C2CD4C: variants seen among roughly 807,000 people sequenced by gnomAD.
C2CD4C encodes C2 calcium dependent domain containing 4C.
C2CD4C carries 3 observed loss-of-function variants against 4.1 expected under a neutral mutation model. That is an observed-to-expected ratio of 0.73 (90% CI 0.33 to 1.88). The LOEUF (loss-of-function observed/expected upper bound fraction) is 1.88. C2CD4C is among the 40% of genes most tolerant of loss of function. The pLI is 0.08. For missense variants in C2CD4C, 664 were observed against 621.5 expected (o/e 1.07, Z -0.73); for synonymous variants, 364 against 290.4 (o/e 1.25, Z -2.57).
Position 407,736 on chromosome 19 carries a change from C to T in C2CD4C, c.626G>A (p.Arg209His), listed in dbSNP as rs967945688. The change falls in exon 2 of 2, where the codon CGC (arginine) becomes CAC (histidine). Residue 209 changes from arginine (R) to histidine (H), a missense_variant. Arg to His is a conservative substitution (Grantham distance 29, BLOSUM62 0). Coordinates refer to ENST00000332235, the MANE Select transcript of C2CD4C (RefSeq NM_001136263.2). ...GTCGCTCTCCCCGCCACTGAAGTAG[C>T]GGCCGGGGCTCATGAGGGCCCCGCC... ...EAGGALMSPG[R>H]YFSGGESDTG... 3.3e-6 allele frequency: 5 copies of T among 1,522,252 alleles called. No homozygotes were observed. The South Asian group carries it at 3.8e-5, about 11-fold the overall frequency. The allele number at this position is 1,522,252 out of a possible 1,614,324, so 94.3% of individuals were successfully genotyped here. A position where few individuals can be genotyped will look rare whatever the true frequency, so the allele number is the denominator to read the frequency against.
chr19:406,954 C>T lies in C2CD4C; in HGVS notation c.*142G>A. ...GGAAACCCTGCGTCAGCTACAGCATCAGCGCCCAGCCCAGCCTGAGTGTGA... is the reference window on the plus strand; with the variant it reads ...GGAAACCCTGCGTCAGCTACAGCATTAGCGCCCAGCCCAGCCTGAGTGTGA... On this transcript the variant is annotated 3_prime_UTR_variant, in exon 2 of 2. Coordinates refer to ENST00000332235, the MANE Select transcript of C2CD4C (RefSeq NM_001136263.2). The T allele has an allele frequency of 1.7e-6, 1 of 587,768 alleles. No homozygotes were observed. Among genetic ancestry groups the T allele is most frequent in the South Asian group, 2.1e-5 (1 of 46,718 alleles). The allele number at this position is 587,768 out of a possible 1,614,324, so 36.4% of individuals were successfully genotyped here.
rs1386310062 is a variant in C2CD4C, at chr19:407,622, T to G, written c.740A>C (p.Gln247Pro). The part of the protein sequence containing the change: ...SLLKGFAQDS[Q>P]AKVSQLRHSV... ...GTGCCGGAGCTGGCTCACCTTGGCC[T>G]GGCTGTCCTGGGCGAAACCTTTGAG... The change falls in exon 2 of 2, where the codon CAG (glutamine) becomes CCG (proline). Residue 247 changes from glutamine (Q) to proline (P), a missense_variant. Physicochemically the swap from Gln to Pro is moderately conservative, Grantham distance 76. Transcript: ENST00000332235. The G allele has an allele frequency of 1.1e-5, 16 of 1,456,544 alleles. No individual in the cohort carries two copies. The highest frequency in any genetic ancestry group is 1.5e-5 in the African/African-American group (1 of 67,320). The allele number at this position is 1,456,544 out of a possible 1,614,324, so 90.2% of individuals were successfully genotyped here.
In C2CD4C at chr19:407,827, G is replaced by C. The variant is rs1287210387; in HGVS notation, c.535C>G (p.Pro179Ala). Residue 179 changes from proline to alanine, a missense_variant, in exon 2 of 2, where the codon CCA becomes GCA. By Grantham distance (27) the Pro-to-Ala change is conservative. Transcript: ENST00000332235. Reference protein sequence around the residue: ...EHGALAQVGSPGAGRRRAAAK... With the variant: ...EHGALAQVGSAGAGRRRAAAK... ...GCTGCCCGGCGGCGCCCGGCCCCTGGGGAGCCCACCTGGGCCAGAGCCCCG... is the reference window on the plus strand; with the variant it reads ...GCTGCCCGGCGGCGCCCGGCCCCTGCGGAGCCCACCTGGGCCAGAGCCCCG... 1 of 1,543,184 alleles carries C rather than the reference G, an allele frequency of 6.5e-7. No individual in the cohort carries two copies. Among genetic ancestry groups the C allele is most frequent in the East Asian group, 2.5e-5 (1 of 40,606 alleles).
rs907514200 is a variant in C2CD4C at position 408,363 on chromosome 19, G to C, written c.-2C>G. ...GAACCACATGTTGGTTTTTCTCATG[G>C]GGGCGGCAGGCAAGAGGCCCGGACA... On this transcript the variant is annotated 5_prime_UTR_variant, in exon 2 of 2. Transcript: ENST00000332235. The C allele has an allele frequency of 1.5e-5, 23 of 1,546,566 alleles. No homozygotes were observed. The highest frequency in any genetic ancestry group is 1.9e-5 in the Non-Finnish European group (22 of 1,145,364).
intron 1 of C2CD4C, 44 bp from the exon 2 acceptor site, chr19:408,445 C>A: frequency 7.4e-7 from 1 of 1,347,688 alleles, no homozygotes; most frequent in Non-Finnish European, 9.9e-7. Context: ...GGGCGGCTGG[C>A]AGAGGGCCCT....
rs1374586012 is a variant in C2CD4C, at chr19:407,148, G to C, written c.1214C>G (p.Thr405Arg). ...VNKGSSLKRD[T>R]LLGEKELPLT... ...GGGCAGCTCCTTCTCCCCGAGCAGC[G>C]TGTCCCGCTTGAGGCTGCTGCCCTT... Residue 405 changes from threonine to arginine, a missense_variant, in exon 2 of 2, where the codon ACG becomes AGG. Coordinates refer to ENST00000332235, the MANE Select transcript of C2CD4C (RefSeq NM_001136263.2). 2 of 1,550,204 alleles carry C rather than the reference G, an allele frequency of 1.3e-6. No homozygotes were observed. The highest frequency in any genetic ancestry group is 2.4e-5 in the East Asian group (1 of 40,908).
In C2CD4C at chr19:408,131, G is replaced by T; in HGVS notation, c.231C>A (p.Asn77Lys). ...AALGPSTSEQ[N>K]LASAAPRQTP... ...TCTGGCGGGGGGCCGCAGAGGCCAG[G>T]TTCTGTTCCGACGTGGAGGGGCCCA... The change falls in exon 2 of 2, where the codon AAC (asparagine) becomes AAA (lysine). Residue 77 changes from asparagine (N) to lysine (K), a missense_variant. Physicochemically the swap from Asn to Lys is moderately conservative, Grantham distance 94. Coordinates refer to ENST00000332235, the MANE Select transcript of C2CD4C (RefSeq NM_001136263.2). 1 of 1,462,792 alleles carries T rather than the reference G, an allele frequency of 6.8e-7. No individual in the cohort carries two copies. The highest frequency in any genetic ancestry group is 9.0e-7 in the Non-Finnish European group (1 of 1,107,808). The allele number at this position is 1,462,792 out of a possible 1,614,324, so 90.6% of individuals were successfully genotyped here. A position where few individuals can be genotyped will look rare whatever the true frequency, so the allele number is the denominator to read the frequency against.
chr19:408,163 C>T lies in C2CD4C; in HGVS notation c.199G>A (p.Ala67Thr). ...TCCGACGTGGAGGGGCCCAGCGCGG[C>T]CTGTCCCTCGCCCTCCGCGGGGCCC... ...PSGPAEGEGQ[A>T]ALGPSTSEQN... The change falls in exon 2 of 2, where the codon GCC (alanine) becomes ACC (threonine). Residue 67 changes from alanine to threonine, a missense_variant. By Grantham distance (58) the Ala-to-Thr change is moderately conservative. Coordinates refer to ENST00000332235, the MANE Select transcript of C2CD4C (RefSeq NM_001136263.2). The T allele has an allele frequency of 6.9e-7, 1 of 1,452,212 alleles. No individual in the cohort carries two copies. The highest frequency in any genetic ancestry group is 9.1e-7 in the Non-Finnish European group (1 of 1,101,982). The allele number at this position is 1,452,212 out of a possible 1,614,324, so 90.0% of individuals were successfully genotyped here.
In C2CD4C at chr19:408,138, T is replaced by G; in HGVS notation, c.224A>C (p.Glu75Ala). 6.9e-7 allele frequency: 1 copy of G among 1,458,838 alleles called. No individual in the cohort carries two copies. The highest frequency in any genetic ancestry group is 1.5e-5 in the South Asian group (1 of 68,916). The allele number at this position is 1,458,838 out of a possible 1,614,324, so 90.4% of individuals were successfully genotyped here. ...GQAALGPSTSEQNLASAAPRQ... is the reference protein window; with the variant it reads ...GQAALGPSTSAQNLASAAPRQ... The stretch of plus-strand genomic sequence containing the variant: ...GGGGGCCGCAGAGGCCAGGTTCTGT[T>G]CCGACGTGGAGGGGCCCAGCGCGGC... Residue 75 changes from glutamate (E) to alanine (A), a missense_variant, in exon 2 of 2, where the codon GAA becomes GCA. Physicochemically the swap from Glu to Ala is moderately radical, Grantham distance 107. Coordinates refer to ENST00000332235, the MANE Select transcript of C2CD4C (RefSeq NM_001136263.2).
At position 408,078 on chromosome 19, in the gene C2CD4C, T is replaced by A; in HGVS notation, c.284A>T (p.Lys95Met). The A allele has an allele frequency of 6.6e-7, 1 of 1,504,090 alleles. No homozygotes were observed. Among genetic ancestry groups the A allele is most frequent in the East Asian group, 2.5e-5 (1 of 40,468 alleles). 93.2% of individuals were successfully genotyped at this position (1,504,090 alleles called of 1,614,324 possible). The change falls in exon 2 of 2, where the codon AAG (lysine) becomes ATG (methionine). Residue 95 changes from lysine (K) to methionine (M), a missense_variant. Lys to Met is a moderately conservative substitution (Grantham distance 95). Transcript: ENST00000332235. ...QTPRSPRLPA[K>M]LAAESKSLLK... ...CAGGCTCTTGCTCTCGGCTGCCAGC[T>A]TGGCAGGCAGCCGGGGGCTCCGTGG...
In C2CD4C at chr19:407,147, C is replaced by G. The variant is rs571623679; in HGVS notation, c.1215G>C (p.Thr405=). Residue 405 remains threonine (T), a synonymous_variant, in exon 2 of 2, where the codon ACG becomes ACC. Transcript: ENST00000332235. ...GGGGCAGCTCCTTCTCCCCGAGCAG[C>G]GTGTCCCGCTTGAGGCTGCTGCCCT... ...VNKGSSLKRD[T]LLGEKELPLT... 1 of 1,550,176 alleles carries G rather than the reference C, an allele frequency of 6.5e-7. No individual in the cohort carries two copies. Among genetic ancestry groups the G allele is most frequent in the Admixed American group, 2.0e-5 (1 of 51,012 alleles).
chr19:407,566 C>T lies in C2CD4C; in HGVS notation c.796G>A (p.Asp266Asn). The change falls in exon 2 of 2, where the codon GAC (aspartate) becomes AAC (asparagine). Residue 266 changes from aspartate to asparagine, a missense_variant. Transcript: ENST00000332235. ...GGGCTGGCGTCCGGGGTGCTGTCGT[C>T]CGCAGACAGGGAGCCGTGGCGGCCC... ...SVGRHGSLSADDSTPDASPGS... is the reference protein window; with the variant it reads ...SVGRHGSLSANDSTPDASPGS... 7.0e-7 allele frequency: 1 copy of T among 1,419,374 alleles called. No homozygotes were observed. The highest frequency in any genetic ancestry group is 1.5e-5 in the South Asian group (1 of 64,918). The allele number at this position is 1,419,374 out of a possible 1,614,324, so 87.9% of individuals were successfully genotyped here.
In C2CD4C at chr19:407,588, G is replaced by A. The variant is rs1244654364; in HGVS notation, c.774C>T (p.Gly258=). The A allele has an allele frequency of 1.7e-5, 25 of 1,432,252 alleles. No individual in the cohort carries two copies. Among genetic ancestry groups the A allele is most frequent in the Middle Eastern group, 3.6e-4 (2 of 5,510 alleles). The allele number at this position is 1,432,252 out of a possible 1,614,324, so 88.7% of individuals were successfully genotyped here. A position where few individuals can be genotyped will look rare whatever the true frequency, so the allele number is the denominator to read the frequency against. ...CGTCCGCAGACAGGGAGCCGTGGCG[G>A]CCCACGGAGTGCCGGAGCTGGCTCA... ...AKVSQLRHSV[G]RHGSLSADDS... The change falls in exon 2 of 2, where the codon GGC becomes GGT. Residue 258 remains glycine (G), a synonymous_variant. Transcript: ENST00000332235.
At position 407,122 on chromosome 19, in the gene C2CD4C, G is replaced by A. The variant is rs1276676860; in HGVS notation, c.1240C>T (p.Leu414=). Residue 414 remains leucine (L), a synonymous_variant, in exon 2 of 2, where the codon CTG becomes TTG. Transcript: ENST00000332235. ...TACAGGAAGGGGAGCAGGGAGGTCA[G>A]GGGCAGCTCCTTCTCCCCGAGCAGC... ...DTLLGEKELP[L]TSLLPFL is the part of the protein sequence containing the mutation. 2 of 1,549,666 alleles carry A rather than the reference G, an allele frequency of 1.3e-6. No individual in the cohort carries two copies. Among genetic ancestry groups the A allele is most frequent in the African/African-American group, 1.4e-5 (1 of 73,174 alleles).
chr19:406,985 T>TACCCCCC lies in C2CD4C; in HGVS notation c.*110_*111insGGGGGGT. ...CCAGCCCAGCCTGAGTGTGAGCCCC[T>TACCCCCC]CCCCGGCCAGCCCCAGCCCAAGCCA... On this transcript the variant is annotated 3_prime_UTR_variant, in exon 2 of 2. Transcript: ENST00000332235. The TACCCCCC allele has an allele frequency of 1.0e-4, 62 of 616,428 alleles. No individual in the cohort carries two copies. Among genetic ancestry groups the TACCCCCC allele is most frequent in the Middle Eastern group, 4.9e-4 (1 of 2,040 alleles). The allele number at this position is 616,428 out of a possible 1,614,324, so 38.2% of individuals were successfully genotyped here. A position where few individuals can be genotyped will look rare whatever the true frequency, so the allele number is the denominator to read the frequency against.
rs1316000572 is a variant in C2CD4C at position 406,736 on chromosome 19, C to T, written c.*360G>A. ...CCGCCCTGGCCACATGCACGGATTC[C>T]TGAACCCCTGAGAACCTCCTTCTAG... On this transcript the variant is annotated 3_prime_UTR_variant, in exon 2 of 2. Transcript: ENST00000332235. 1.4e-5 allele frequency: 3 copies of T among 214,726 alleles called. No homozygotes were observed. Among genetic ancestry groups the T allele is most frequent in the Non-Finnish European group, 2.7e-5 (3 of 109,298 alleles). 13.3% of individuals were successfully genotyped at this position (214,726 alleles called of 1,614,324 possible). A position where few individuals can be genotyped will look rare whatever the true frequency, so the allele number is the denominator to read the frequency against.
At position 408,438 on chromosome 19, in the gene C2CD4C, C is replaced by T. The variant is rs1240565294; in HGVS notation, c.-40-37G>A. On this transcript the variant is annotated intron_variant, in intron 1 of 1. Transcript: ENST00000332235. ...AGCAGGGGTCAGGAGCAGTGGGGGG[C>T]GGCTGGCAGAGGGCCCTGGGCACCT... 8.6e-6 allele frequency: 10 copies of T among 1,157,632 alleles called. No individual in the cohort carries two copies. The East Asian group carries it at 2.4e-4, about 28-fold the overall frequency. 71.7% of individuals were successfully genotyped at this position (1,157,632 alleles called of 1,614,324 possible). A position where few individuals can be genotyped will look rare whatever the true frequency, so the allele number is the denominator to read the frequency against.
chr19:407,362 C>G lies in C2CD4C; in HGVS notation c.1000G>C (p.Asp334His), dbSNP rs1487699856. The G allele has an allele frequency of 6.5e-7, 1 of 1,543,760 alleles. No individual in the cohort carries two copies. The highest frequency in any genetic ancestry group is 8.7e-7 in the Non-Finnish European group (1 of 1,146,396). ...VHLLAAEGLYDRLCDARSINC... is the reference protein window; with the variant it reads ...VHLLAAEGLYHRLCDARSINC... ...ATGCTGCGGGCGTCGCACAGGCGGT[C>G]GTAGAGGCCCTCGGCGGCCAGCAGG... The change falls in exon 2 of 2, where the codon GAC becomes CAC. Residue 334 changes from aspartate to histidine, a missense_variant. Coordinates refer to ENST00000332235, the MANE Select transcript of C2CD4C (RefSeq NM_001136263.2).
rs1974003408 is a variant in C2CD4C, at chr19:407,113, G to C, written c.1249C>G (p.Leu417Val). The C allele has an allele frequency of 6.5e-7, 1 of 1,549,090 alleles. No individual in the cohort carries two copies. The highest frequency in any genetic ancestry group is 8.7e-7 in the Non-Finnish European group (1 of 1,146,254). The change falls in exon 2 of 2, where the codon CTG (leucine) becomes GTG (valine). Residue 417 changes from leucine to valine, a missense_variant. By Grantham distance (32) the Leu-to-Val change is conservative. Transcript: ENST00000332235. ...LGEKELPLTS[L>V]LPFL ...TCCCCGCTCTACAGGAAGGGGAGCA[G>C]GGAGGTCAGGGGCAGCTCCTTCTCC...
Sources: gnomAD v4.1 joint callset for allele counts on GRCh38, gnomAD v4.1.1 for gene constraint, MANE v1.5 for transcripts, NCBI Gene and HGNC (gene_info 2026-07-23, HGNC 2026-07-21) for gene names.